SIM2: variants seen among roughly 807,000 people sequenced by gnomAD.
SIM2 encodes SIM bHLH transcription factor 2.
A neutral mutation model predicts 64.8 loss-of-function variants in SIM2; 28 were observed. That is an observed-to-expected ratio of 0.43 (90% confidence interval 0.32 to 0.59). The LOEUF (loss-of-function observed/expected upper bound fraction) is 0.59. SIM2 is among the 20% of genes least tolerant of loss of function. The pLI is 0.07. For synonymous variants in SIM2, 408 were observed against 391.1 expected (o/e 1.04, Z -0.51); for missense variants, 847 against 871.4 (o/e 0.97, Z 0.35).
At chr21:36,707,685 G>T (rs1051824373) in intron 1 of SIM2, among the ~76,000 whole-genome samples, 20 of 151,988 alleles carry the variant, frequency 1.3e-4, no homozygotes, top group African/African-American at 4.1e-4. Flanking sequence ...CGCTTCCAGA[G>T]GTCGAGGCCT....
intron 7 of SIM2, among the ~76,000 whole-genome samples, chr21:36,736,785 CCT>C (rs2089057969): frequency 1.2e-5 from 1 of 80,008 alleles, no homozygotes; most frequent in Non-Finnish European, 2.3e-5. Context: ...TCTTTCTTTT[CCT>C]TCTTTCTTTT....
rs1290880158 is a variant in SIM2, at chr21:36,748,058, TG to T, written c.1973del (p.Gly658AlafsTer48). On this transcript the variant is annotated frameshift_variant, in exon 11 of 11. Coordinates refer to ENST00000290399, the MANE Select transcript of SIM2 (RefSeq NM_005069.6). LOFTEE classifies it high-confidence loss of function. ...CCCGGCGCGCCCCTGCCGCACTACC[TG>T]GGCGCCTCGGTCATCATCACCAACG... Reference protein sequence around the residue: ...SPPGAPLPHYLGASVIITNGR With the variant: ...SPPGAPLPHYXGASVIITNGR 1.7e-6 allele frequency: 2 copies of T among 1,202,202 alleles called. No homozygotes were observed. Among genetic ancestry groups the T allele is most frequent in the Non-Finnish European group, 2.1e-6 (2 of 968,930 alleles). The allele number at this position is 1,202,202 out of a possible 1,614,324, so 74.5% of individuals were successfully genotyped here.
At chr21:36,736,960 T>C (rs2089068568) in intron 7 of SIM2, among the ~76,000 whole-genome samples, 2 of 152,018 alleles carry the variant, frequency 1.3e-5, no homozygotes, top group Non-Finnish European at 2.9e-5. Flanking sequence ...AGGGTCTCAC[T>C]CTGTCACCCA....
At position 36,745,426 on chromosome 21, in the gene SIM2, A is replaced by G; in HGVS notation, c.1576+290A>G. On this transcript the variant is annotated intron_variant, in intron 10 of 10. Coordinates refer to ENST00000290399, the MANE Select transcript of SIM2 (RefSeq NM_005069.6). The surrounding 1 kb of genome is among the most constrained non-coding windows in gnomAD (Gnocchi z 4.8). ...AAATCCTGGCCACATTCACCAACCA[A>G]AGGGGGACAGTGATTTTCAAAACCA... 7.8e-7 allele frequency: 1 copy of G among 1,283,720 alleles called. No homozygotes were observed. Among genetic ancestry groups the G allele is most frequent in the South Asian group, 1.8e-5 (1 of 55,620 alleles). 79.5% of individuals were successfully genotyped at this position (1,283,720 alleles called of 1,614,324 possible). A position where few individuals can be genotyped will look rare whatever the true frequency, so the allele number is the denominator to read the frequency against.
At position 36,699,463 on chromosome 21, in the gene SIM2, A is replaced by C; in HGVS notation, c.-284A>C. 1 of 237,556 alleles carries C rather than the reference A, an allele frequency of 4.2e-6. No individual in the cohort carries two copies. Among genetic ancestry groups the C allele is most frequent in the African/African-American group, 2.3e-5 (1 of 43,760 alleles). The allele number at this position is 237,556 out of a possible 1,614,324, so 14.7% of individuals were successfully genotyped here. A position where few individuals can be genotyped will look rare whatever the true frequency, so the allele number is the denominator to read the frequency against. The stretch of plus-strand genomic sequence containing the variant: ...GGAGAGGCAGGAGGGAGGAAACAGG[A>C]GCGAGCAGGAACGGGGCTCCGGTTG... On this transcript the variant is annotated 5_prime_UTR_variant, in exon 1 of 11. Transcript: ENST00000290399. This position sits in a 1 kb window ranked among gnomAD's most constrained non-coding sequence, Gnocchi z 5.6.
chr21:36,733,892 G>A (rs1457557914), intron 7 of SIM2, among the ~76,000 whole-genome samples: 1 of 152,186 alleles, frequency 6.6e-6, no homozygotes, highest in East Asian at 1.9e-4. Flanking sequence ...CATTTGCTTT[G>A]GAACAGTCAT....
intron 6 of SIM2, among the ~76,000 whole-genome samples, chr21:36,729,808 C>T (rs2088941505): frequency 6.6e-6 from 1 of 152,212 alleles, no homozygotes; most frequent in African/African-American, 2.4e-5. Flanking sequence ...GGGAAACCAT[C>T]GTTGCCACGT....
chr21:36,701,790 C>A (rs2269189), intron 1 of SIM2, among the ~76,000 whole-genome samples: 58,384 of 151,982 alleles, frequency 0.38, 11,473 homozygotes, highest in Middle Eastern at 0.46. Flanking sequence ...ATTCGGTTTT[C>A]TGAGTCTCCT....
intron 6 of SIM2, among the ~76,000 whole-genome samples, chr21:36,729,127 C>G (rs1277048412): frequency 2.6e-5 from 4 of 152,178 alleles, no homozygotes; most frequent in Admixed American, 6.5e-5. Context: ...TGATGAGAAA[C>G]TTAATACATG....
intron 2 of SIM2, 114 bp from the exon 3 acceptor site, chr21:36,712,419 T>C (rs2123434346): frequency 1.4e-6 from 1 of 708,322 alleles, no homozygotes; most frequent in Non-Finnish European, 2.4e-6. Flanking sequence ...ATTTAGCAAG[T>C]ATGTGTTGAT....
rs921078907 is a variant in SIM2 at position 36,736,320 on chromosome 21, G to A, written c.850+5169G>A. Among the ~76,000 whole-genome samples, 5 of 152,182 alleles carry A rather than the reference G, an allele frequency of 3.3e-5. No homozygotes were observed. The South Asian group carries it at 8.3e-4, about 25-fold the overall frequency. On this transcript the variant is annotated intron_variant, in intron 7 of 10. Coordinates refer to ENST00000290399, the MANE Select transcript of SIM2 (RefSeq NM_005069.6). Reference sequence around the variant, plus strand: ...TCTGGGGCCTCGCTTTCCCCACACCGGTAGCCAAAAGCCAGGAACCTCTGG... The same window carrying A: ...TCTGGGGCCTCGCTTTCCCCACACCAGTAGCCAAAAGCCAGGAACCTCTGG...
chr21:36,719,276 C>T lies in SIM2; in HGVS notation c.349-545C>T, dbSNP rs192354241. ...GCGCCTGAGGGGCACAGCTCAGAGT[C>T]GACGAAGAAAGGGCCTTTGTCTGAG... is the stretch of plus-strand genomic sequence containing the variant. On this transcript the variant is annotated intron_variant, in intron 3 of 10. Coordinates refer to ENST00000290399, the MANE Select transcript of SIM2 (RefSeq NM_005069.6). 4.6e-5 allele frequency among the ~76,000 whole-genome samples: 7 copies of T among 152,360 alleles called. No individual in the cohort carries two copies. The East Asian group carries it at 5.8e-4, about 13-fold the overall frequency.
At chr21:36,708,636 A>G (rs920455400) in intron 1 of SIM2, among the ~76,000 whole-genome samples, 3 of 152,074 alleles carry the variant, frequency 2.0e-5, no homozygotes, top group African/African-American at 7.2e-5. Flanking sequence ...GGTAGCGTGT[A>G]GGGGGTTTTT....
chr21:36,722,040 C>T (rs192549979), intron 4 of SIM2, among the ~76,000 whole-genome samples: 1 of 152,290 alleles, frequency 6.6e-6, no homozygotes, highest in East Asian at 1.9e-4. Flanking sequence ...CCAGCTGCTC[C>T]CTTGCTGACT....
chr21:36,745,859 T>C lies in SIM2; in HGVS notation c.1576+723T>C. The C allele has an allele frequency of 7.7e-7, 1 of 1,303,182 alleles. No homozygotes were observed. Among genetic ancestry groups the C allele is most frequent in the Non-Finnish European group, 1.0e-6 (1 of 988,248 alleles). The allele number at this position is 1,303,182 out of a possible 1,614,324, so 80.7% of individuals were successfully genotyped here. ...AGGACGCAGACTGACTCCTGTTTGC[T>C]CGCTGGACCAACCCCAGGCAGAAGG... On this transcript the variant is annotated intron_variant, in intron 10 of 10. Transcript: ENST00000290399. The surrounding 1 kb of genome is among the most constrained non-coding windows in gnomAD (Gnocchi z 4.8).
At chr21:36,712,810 C>T (rs1217287752) in intron 3 of SIM2, among the ~76,000 whole-genome samples, 188 bp downstream of exon 3, 4 of 152,150 alleles carry the variant, frequency 2.6e-5, no homozygotes, top group Admixed American at 2.6e-4. Flanking sequence ...TTACGTTTTA[C>T]TTTTTTACTT....
chr21:36,709,223 C>T lies in SIM2; in HGVS notation c.231C>T (p.Ala77=). The T allele has an allele frequency of 6.2e-7, 1 of 1,609,694 alleles. No individual in the cohort carries two copies. Among genetic ancestry groups the T allele is most frequent in the Non-Finnish European group, 8.5e-7 (1 of 1,178,544 alleles). ...GCGCCGGGCCCCTGGACGGCGTCGCCAAGGAGCTGGGATCGCACTTGCTGC... is the reference window on the plus strand; with the variant it reads ...GCGCCGGGCCCCTGGACGGCGTCGCTAAGGAGCTGGGATCGCACTTGCTGC... ...PSRAGPLDGV[A]KELGSHLLQT... The change falls in exon 2 of 11, where the codon GCC becomes GCT. Residue 77 remains alanine (A), a synonymous_variant. Transcript: ENST00000290399.
rs2089258322 is a variant in SIM2 at position 36,748,035 on chromosome 21, C to G, written c.1947C>G (p.Pro649=). 8.4e-7 allele frequency: 1 copy of G among 1,192,414 alleles called. No homozygotes were observed. Among genetic ancestry groups the G allele is most frequent in the Admixed American group, 4.5e-5 (1 of 22,124 alleles). The allele number at this position is 1,192,414 out of a possible 1,614,324, so 73.9% of individuals were successfully genotyped here. A position where few individuals can be genotyped will look rare whatever the true frequency, so the allele number is the denominator to read the frequency against. Residue 649 remains proline, a synonymous_variant, in exon 11 of 11, where the codon CCC becomes CCG. Coordinates refer to ENST00000290399, the MANE Select transcript of SIM2 (RefSeq NM_005069.6). ...CGAGCCCCGCCGCCACCTCCCCGCCCGGCGCGCCCCTGCCGCACTACCTGG... is the reference window on the plus strand; with the variant it reads ...CGAGCCCCGCCGCCACCTCCCCGCCGGGCGCGCCCCTGCCGCACTACCTGG... The part of the protein sequence containing the change: ...RHPSPAATSP[P]GAPLPHYLGA...
chr21:36,729,921 TG>T (rs1358191131), intron 6 of SIM2, among the ~76,000 whole-genome samples: 3 of 152,188 alleles, frequency 2.0e-5, no homozygotes, highest in Admixed American at 2.0e-4. Context: ...GAAATTAATA[TG>T]CCCAGGGCTC....
Sources: gnomAD v4.1 joint callset for allele counts (sites outside exome capture counted in the v4.1 genomes callset) on GRCh38, gnomAD v4.1.1 for gene constraint, Gnocchi (gnomAD v3.1) non-coding constraint, MANE v1.5 for transcripts, NCBI Gene and HGNC (gene_info 2026-07-23, HGNC 2026-07-21) for gene names.